BRCA1: variants seen among roughly 807,000 people sequenced by gnomAD.
The protein encoded by BRCA1 is BRCA1 DNA repair associated.
BRCA1 carries 140 observed loss-of-function variants against 173.7 expected under a neutral mutation model. That is an observed-to-expected ratio of 0.81 (90% CI 0.70 to 0.93). The LOEUF (loss-of-function observed/expected upper bound fraction) is 0.93, where lower values mean the gene tolerates loss of function less well. BRCA1 is among the 40% of genes least tolerant of loss of function. BRCA1 has a pLI of 0.00. For missense variants in BRCA1, 1,983 were observed against 2,172.5 expected (o/e 0.91, Z 1.73); for synonymous variants, 662 against 756.0 (o/e 0.88, Z 2.04).
Position 43,063,866 on chromosome 17 carries a change from A to T in BRCA1, c.5152+8T>A, listed in dbSNP as rs1567769120. Reference sequence around the variant, plus strand: ...AAGGGAGGAGGGGAGAAATAGTATTATACTTACAGAAATAGCTAACTACCC... The same window carrying T: ...AAGGGAGGAGGGGAGAAATAGTATTTTACTTACAGAAATAGCTAACTACCC... On this transcript the variant is annotated splice_region_variant and intron_variant, in intron 17 of 22. Coordinates refer to ENST00000357654, the MANE Select transcript of BRCA1 (RefSeq NM_007294.4). The T allele has an allele frequency of 6.2e-7, 1 of 1,607,934 alleles. No individual in the cohort carries two copies. The highest frequency in any genetic ancestry group is 8.5e-7 in the Non-Finnish European group (1 of 1,174,328).
At chr17:43,126,296 G>A (rs1276272204), upstream of BRCA1, among the ~76,000 whole-genome samples, 5 of 152,220 alleles carry the variant, frequency 3.3e-5, no homozygotes, top group Non-Finnish European at 7.3e-5. Context: ...CGTTTTGAGG[G>A]ACAAGTGGTA....
intron 18 of BRCA1, among the ~76,000 whole-genome samples, chr17:43,058,212 G>C (rs1276542135): frequency 6.6e-6 from 1 of 151,476 alleles, no homozygotes; most frequent in Non-Finnish European, 1.5e-5. Context: ...CTAGAAAAAA[G>C]ATACATAAAA....
At chr17:43,114,813 G>A (rs1171779485) in intron 3 of BRCA1, among the ~76,000 whole-genome samples, 1 of 152,076 alleles carries the variant, frequency 6.6e-6, no homozygotes, top group Non-Finnish European at 1.5e-5. Context: ...TAAGATGTGA[G>A]CCATAGCTTA....
In BRCA1 at chr17:43,100,646, C is replaced by T. The variant is rs1277575932; in HGVS notation, c.442-766G>A. Among the ~76,000 whole-genome samples the T allele has an allele frequency of 2.7e-3, 112 of 42,034 alleles. 7 individuals carry two copies. The highest frequency in any genetic ancestry group is 0.013 in the South Asian group (12 of 900). 27.6% of individuals were successfully genotyped at this position (42,034 alleles called of 152,430 possible). A position where few individuals can be genotyped will look rare whatever the true frequency, so the allele number is the denominator to read the frequency against. On this transcript the variant is annotated intron_variant, in intron 6 of 22. Coordinates refer to ENST00000357654, the MANE Select transcript of BRCA1 (RefSeq NM_007294.4). ...ATATATATATGTTATATATATATAA[C>T]ATATATATAACATATATATATATAT...
At chr17:43,167,537 A>G (rs1309889232) in intron 1 of BRCA1, 1 of 152,222 alleles carries the variant, frequency 6.6e-6, no homozygotes, top group African/African-American at 2.4e-5. Context: ...TATAGATAAC[A>G]TACCAATCAG....
intron 1 of BRCA1, among the ~76,000 whole-genome samples, chr17:43,151,483 C>CA (rs1240618834): frequency 9.3e-5 from 14 of 151,126 alleles, no homozygotes; most frequent in South Asian, 4.2e-4. Flanking sequence ...GACTCTGTCT[C>CA]AAAAAAAACA....
chr17:43,134,833 C>T (rs2056002485), intron 1 of BRCA1, among the ~76,000 whole-genome samples: 2 of 152,196 alleles, frequency 1.3e-5, no homozygotes, highest in African/African-American at 4.8e-5. Flanking sequence ...AAAGCAGACA[C>T]TGGGACTCTG....
intron 1 of BRCA1, among the ~76,000 whole-genome samples, chr17:43,152,357 T>G (rs1385066034): frequency 6.6e-6 from 1 of 152,206 alleles, no homozygotes; most frequent in Non-Finnish European, 1.5e-5. Flanking sequence ...AGAACTGCAT[T>G]TATTCATCCT....
intron 15 of BRCA1, among the ~76,000 whole-genome samples, chr17:43,068,338 T>C (rs2052240072): frequency 6.6e-6 from 1 of 150,884 alleles, no homozygotes; most frequent in Non-Finnish European, 1.5e-5. Flanking sequence ...TATGTACACA[T>C]CAGCAGACAT....
At chr17:43,116,191 C>A (rs887225537) in intron 2 of BRCA1, among the ~76,000 whole-genome samples, 2 of 151,616 alleles carry the variant, frequency 1.3e-5, no homozygotes, top group Non-Finnish European at 2.9e-5. Context: ...CTTCCTAGAA[C>A]TTTTTTTTGT....
intron 1 of BRCA1, chr17:43,167,799 C>T (rs2056278033): frequency 6.5e-6 from 1 of 152,952 alleles, no homozygotes; most frequent in Non-Finnish European, 1.5e-5. Context: ...CAGCCCCCGG[C>T]CTCATTCATG....
intron 20 of BRCA1, 151 bp downstream of exon 20, chr17:43,050,912 C>T (rs2051183605): frequency 3.9e-6 from 3 of 760,546 alleles, no homozygotes; most frequent in Non-Finnish European, 6.6e-6. Context: ...CATTTAGGTG[C>T]TGTTTTGTTT....
At chr17:43,106,743 T>G (rs1239032169) in intron 3 of BRCA1, among the ~76,000 whole-genome samples, 1 of 152,226 alleles carries the variant, frequency 6.6e-6, no homozygotes, top group Non-Finnish European at 1.5e-5. Flanking sequence ...CAATGATCTA[T>G]GAAAACTGAA....
Position 43,077,335 on chromosome 17 carries a change from C to CT in BRCA1, c.4358-722dup, listed in dbSNP as rs68171917. On this transcript the variant is annotated intron_variant, in intron 12 of 22. Coordinates refer to ENST00000357654, the MANE Select transcript of BRCA1 (RefSeq NM_007294.4). ...AAGGCAAAGTTCTGGCATGTTAGTT[C>CT]TTTTTTTTTTTTTGAGACGGAGTCT... 0.3 allele frequency among the ~76,000 whole-genome samples: 43,544 copies of CT among 145,570 alleles called. 6,847 individuals are homozygous for CT. Among genetic ancestry groups the CT allele is most frequent in the South Asian group, 0.49 (2,251 of 4,574 alleles).
intron 22 of BRCA1, 119 bp from the exon 23 acceptor site, chr17:43,045,921 AATTT>A: frequency 8.0e-7 from 1 of 1,247,166 alleles, no homozygotes; most frequent in Admixed American, 2.5e-5. Context: ...GGTAGAAGCT[AATTT>A]TTTTTTTTTT....
At chr17:43,072,626 G>A (rs1215543698) in intron 14 of BRCA1, among the ~76,000 whole-genome samples, 7 of 149,466 alleles carry the variant, frequency 4.7e-5, no homozygotes, top group East Asian at 2.1e-4. Context: ...GTGCAATGGC[G>A]CGATCTCAGC....
chr17:43,099,838 C>G lies in BRCA1; in HGVS notation c.484G>C (p.Val162Leu), dbSNP rs55816927. ...LSVQLSNLGT[V>L]RTLRTKQRIQ... Reference sequence around the variant, plus strand: ...CGCTGCTTTGTCCTCAGAGTTCTCACAGTTCCAAGGTTAGAGAGTTGGACA... The same window carrying G: ...CGCTGCTTTGTCCTCAGAGTTCTCAGAGTTCCAAGGTTAGAGAGTTGGACA... The change falls in exon 7 of 23, where the codon GTG (valine) becomes CTG (leucine). Residue 162 changes from valine to leucine, a missense_variant. By Grantham distance (32) the Val-to-Leu change is conservative. Transcript: ENST00000357654. 6 of 1,613,808 alleles carry G rather than the reference C, an allele frequency of 3.7e-6. No individual in the cohort carries two copies. Among genetic ancestry groups the G allele is most frequent in the African/African-American group, 1.3e-5 (1 of 74,926 alleles).
At chr17:43,151,837 A>C (rs1443070531) in intron 1 of BRCA1, among the ~76,000 whole-genome samples, 1 of 152,238 alleles carries the variant, frequency 6.6e-6, no homozygotes, top group Non-Finnish European at 1.5e-5. Flanking sequence ...TCAAGGTTGC[A>C]ATGAGCTATG....
chr17:43,145,325 CTTTCTT>C, intron 1 of BRCA1: 1 of 466,036 alleles, frequency 2.1e-6, no homozygotes, highest in African/African-American at 2.2e-5. Flanking sequence ...AATTTTTTTT[CTTTCTT>C]TTTTTTTTTT....
Sources: gnomAD v4.1 joint callset for allele counts (sites outside exome capture counted in the v4.1 genomes callset) on GRCh38, gnomAD v4.1.1 for gene constraint, MANE v1.5 for transcripts, NCBI Gene and HGNC (gene_info 2026-07-23, HGNC 2026-07-21) for gene names.